Variants in RALGPS1 observed in about 807,000 individuals in gnomAD.
RALGPS1 encodes Ral GEF with PH domain and SH3 binding motif 1, also known as ras-specific guanine nucleotide-releasing factor RalGPS1.
A neutral mutation model predicts 78.8 loss-of-function variants in RALGPS1; 19 were observed. The ratio of observed to expected loss-of-function variants is 0.24; its 90% CI spans 0.17 to 0.35. RALGPS1 has a LOEUF of 0.35. RALGPS1 is among the 10% of genes least tolerant of loss of function. The pLI, the probability that RALGPS1 is intolerant of heterozygous loss-of-function variation, is 1.00. For missense variants in RALGPS1, 454 were observed against 688.3 expected, an observed-to-expected ratio of 0.66 and a Z score of 3.81; for synonymous variants, 228 against 256.3, an observed-to-expected ratio of 0.89 and a Z score of 1.06.
At chr9:127,114,233 T>A (rs1233201520) in intron 8 of RALGPS1, among the ~76,000 whole-genome samples, 1 of 152,220 alleles carries the variant, frequency 6.6e-6, no homozygotes, top group Non-Finnish European at 1.5e-5. Flanking sequence ...TATATTTATA[T>A]TGTAGCAATT....
intron 7 of RALGPS1, among the ~76,000 whole-genome samples, chr9:127,057,096 A>G (rs2048808741): frequency 6.6e-6 from 1 of 152,240 alleles, no homozygotes; most frequent in African/African-American, 2.4e-5. Context: ...TGACAGAACC[A>G]GCATGACACA....
At chr9:127,014,672 A>G (rs529052735) in intron 4 of RALGPS1, among the ~76,000 whole-genome samples, 114 of 152,146 alleles carry the variant, frequency 7.5e-4, no homozygotes, top group African/African-American at 2.4e-3. Context: ...TCGGCTGGAC[A>G]CTGCAGGGAG....
intron 8 of RALGPS1, among the ~76,000 whole-genome samples, chr9:127,100,187 T>C (rs2053574804): frequency 6.6e-6 from 1 of 152,224 alleles, no homozygotes; most frequent in African/African-American, 2.4e-5. Context: ...CATAAATTAA[T>C]TGAGTTACTC....
At chr9:127,142,212 T>C (rs2057828811) in intron 8 of RALGPS1, among the ~76,000 whole-genome samples, 1 of 152,208 alleles carries the variant, frequency 6.6e-6, no homozygotes. Context: ...CATTAGGGGA[T>C]CCGTCCTTAC....
At chr9:126,959,290 G>C (rs2038661404) in intron 1 of RALGPS1, among the ~76,000 whole-genome samples, 1 of 152,122 alleles carries the variant, frequency 6.6e-6, no homozygotes, top group Non-Finnish European at 1.5e-5. Flanking sequence ...TCAAACTCCT[G>C]ACCTCAGGTG....
chr9:127,183,952 G>T lies in RALGPS1; in HGVS notation c.910+9170G>T. The T allele has an allele frequency of 6.4e-7, 1 of 1,550,520 alleles. No homozygotes were observed. The highest frequency in any genetic ancestry group is 8.7e-7 in the Non-Finnish European group (1 of 1,146,996). ...CCTCTGGCCAACACCCTGCCTGGAT[G>T]TGGCCCAGCTCCTCACGAGTACCAG... On this transcript the variant is annotated intron_variant, in intron 11 of 18. Transcript: ENST00000259351. The surrounding 1 kb of genome is among the most constrained non-coding windows in gnomAD (Gnocchi z 4.0).
intron 8 of RALGPS1, among the ~76,000 whole-genome samples, chr9:127,154,334 G>C (rs2058595475): frequency 6.6e-6 from 1 of 152,242 alleles, no homozygotes; most frequent in African/African-American, 2.4e-5. Flanking sequence ...GATGGCTCCT[G>C]CCATGGAGTA....
At chr9:126,991,506 G>A (rs1469791030) in intron 4 of RALGPS1, among the ~76,000 whole-genome samples, 1 of 152,158 alleles carries the variant, frequency 6.6e-6, no homozygotes, top group African/African-American at 2.4e-5. Flanking sequence ...TCATCCATAG[G>A]GACTTGGTGC....
chr9:127,209,235 G>A (rs1237939541), intron 14 of RALGPS1, among the ~76,000 whole-genome samples: 1 of 152,258 alleles, frequency 6.6e-6, no homozygotes, highest in African/African-American at 2.4e-5. Flanking sequence ...GCCGTGGCCA[G>A]TTCCCCTGAG....
At chr9:127,125,688 C>T (rs2056565340) in intron 8 of RALGPS1, among the ~76,000 whole-genome samples, 1 of 152,230 alleles carries the variant, frequency 6.6e-6, no homozygotes, top group Admixed American at 6.5e-5. Context: ...TCCGTGTCCC[C>T]CTGACCTCCT....
chr9:126,960,353 C>T (rs2038792182), intron 1 of RALGPS1, among the ~76,000 whole-genome samples: 1 of 151,612 alleles, frequency 6.6e-6, no homozygotes, highest in African/African-American at 2.4e-5. Flanking sequence ...CTTGCCTCAG[C>T]TTCCCAAGTA....
intron 4 of RALGPS1, among the ~76,000 whole-genome samples, chr9:126,982,784 CTCT>C (rs372888642): frequency 0.028 from 4,198 of 149,510 alleles, 154 homozygotes; most frequent in East Asian, 0.082. Flanking sequence ...CTTCTTCTTC[CTCT>C]TCTTCTTCTT....
intron 4 of RALGPS1, among the ~76,000 whole-genome samples, chr9:127,009,024 A>T (rs1008664425): frequency 3.3e-5 from 5 of 152,204 alleles, no homozygotes; most frequent in Admixed American, 3.3e-4. Flanking sequence ...TCCACGCAAG[A>T]TCCTAGAGGC....
chr9:127,065,646 C>T (rs867116700), intron 7 of RALGPS1, among the ~76,000 whole-genome samples: 2 of 152,068 alleles, frequency 1.3e-5, no homozygotes, highest in Non-Finnish European at 2.9e-5. Flanking sequence ...CTATCCCCTC[C>T]CCTCCATGTG....
chr9:127,148,359 G>A (rs967351802), intron 8 of RALGPS1, among the ~76,000 whole-genome samples: 3 of 152,248 alleles, frequency 2.0e-5, no homozygotes, highest in African/African-American at 7.2e-5. Flanking sequence ...CTTCTTCAGT[G>A]CTTGGCCATT....
chr9:127,096,171 C>G (rs542919566), intron 8 of RALGPS1, among the ~76,000 whole-genome samples: 119 of 152,326 alleles, frequency 7.8e-4, no homozygotes, highest in African/African-American at 2.8e-3. Context: ...CAGTATCCTT[C>G]CCAGGGAAGG....
At chr9:127,161,939 A>G (rs140617486) in intron 8 of RALGPS1, among the ~76,000 whole-genome samples, 5 of 152,126 alleles carry the variant, frequency 3.3e-5, no homozygotes, top group African/African-American at 1.2e-4. Context: ...TGACAACAGC[A>G]TTTTTCTTAT....
At chr9:126,960,186 C>CCCTT (rs2038748966) in intron 1 of RALGPS1, among the ~76,000 whole-genome samples, 1 of 86,884 alleles carries the variant, frequency 1.2e-5, no homozygotes, top group Non-Finnish European at 2.3e-5. Flanking sequence ...CTCCCTCCCT[C>CCCTT]CCTCCCTTCC....
intron 4 of RALGPS1, 60 bp from the exon 5 acceptor site, chr9:127,034,371 C>T: frequency 6.9e-7 from 1 of 1,442,434 alleles, no homozygotes; most frequent in South Asian, 1.1e-5. Context: ...CATTTAATGC[C>T]CCTGGTGTAT....
Sources: gnomAD v4.1 joint callset for allele counts (sites outside exome capture counted in the v4.1 genomes callset) on GRCh38, gnomAD v4.1.1 for gene constraint, Gnocchi (gnomAD v3.1) non-coding constraint, MANE v1.5 for transcripts, NCBI Gene and HGNC (gene_info 2026-07-23, HGNC 2026-07-21) for gene names.